The following B3GALNT2 variants were observed in gnomAD, a reference collection of about 807,000 sequenced individuals.
The protein encoded by B3GALNT2 is beta-1,3-N-acetylgalactosaminyltransferase 2, also known as UDP-GalNAc:beta-1,3-N-acetylgalactosaminyltransferase 2.
Under a neutral mutation model 61.1 loss-of-function variants are expected in B3GALNT2, and 53 were observed. The observed-to-expected ratio is 0.87, with a 90% CI of 0.70 to 1.09. The LOEUF (loss-of-function observed/expected upper bound fraction) is 1.09, where lower values mean the gene tolerates loss of function less well. Ranked by LOEUF, B3GALNT2 falls within the 50% of genes least tolerant of loss-of-function variation. B3GALNT2 has a pLI of 0.00. For synonymous variants in B3GALNT2, 223 were observed against 237.4 expected (o/e 0.94, Z 0.56); for missense variants, 544 against 623.0 (o/e 0.87, Z 1.35).
intron 3 of B3GALNT2, among the ~76,000 whole-genome samples, chr1:235,486,308 T>C (rs1278093914): frequency 6.6e-6 from 1 of 152,200 alleles, no homozygotes; most frequent in Non-Finnish European, 1.5e-5. Context: ...GAGTCTAGAC[T>C]ACAACATAAT....
At chr1:235,458,878 T>G in intron 7 of B3GALNT2, 92 bp from the exon 8 acceptor site, 1 of 1,182,494 alleles carries the variant, frequency 8.5e-7, no homozygotes, top group Non-Finnish European at 1.1e-6. Context: ...TTTCCCAAGG[T>G]AACCCAGCAG....
At chr1:235,446,796 C>G (rs1682359522), downstream of B3GALNT2, among the ~76,000 whole-genome samples, 1 of 151,138 alleles carries the variant, frequency 6.6e-6, no homozygotes, top group Non-Finnish European at 1.5e-5. Flanking sequence ...CTCCTGGGCT[C>G]AAGTGATCCT....
At chr1:235,450,587 C>G (rs976025999) in intron 11 of B3GALNT2, 20 of 458,510 alleles carry the variant, frequency 4.4e-5, no homozygotes, top group African/African-American at 3.9e-4. Flanking sequence ...AGTTAGTCAA[C>G]AAATGCCATT....
At chr1:235,484,739 T>C (rs1199305951) in intron 3 of B3GALNT2, 2 of 722,486 alleles carry the variant, frequency 2.8e-6, no homozygotes, top group African/African-American at 3.6e-5. Context: ...GTAAGTTAAT[T>C]ATCAGAACTG....
intron 2 of B3GALNT2, among the ~76,000 whole-genome samples, chr1:235,493,500 G>A (rs1230856770): frequency 3.9e-5 from 6 of 152,092 alleles, no homozygotes; most frequent in South Asian, 4.1e-4. Context: ...CAACTAGGCC[G>A]GGCTTGGTGG....
At chr1:235,440,937 TTTATG>T in the B3GALNT2 span, 2 of 152,158 alleles carry the variant, frequency 1.3e-5, no homozygotes, top group South Asian at 2.1e-4. Flanking sequence ...ACATTTCGCT[TTTATG>T]TTATTTCCTT....
At chr1:235,452,775 A>G (rs1298518948) in intron 11 of B3GALNT2, among the ~76,000 whole-genome samples, 2 of 151,962 alleles carry the variant, frequency 1.3e-5, no homozygotes, top group Non-Finnish European at 2.9e-5. Context: ...GCTGGTCTTG[A>G]ACTCCTGGGC....
chr1:235,492,280 G>C (rs1685103375), intron 2 of B3GALNT2, among the ~76,000 whole-genome samples: 1 of 152,108 alleles, frequency 6.6e-6, no homozygotes, highest in Non-Finnish European at 1.5e-5. Context: ...CTAAATTATT[G>C]CAAGTATGTA....
chr1:235,489,626 T>C (rs1415923995), intron 2 of B3GALNT2, among the ~76,000 whole-genome samples: 1 of 152,226 alleles, frequency 6.6e-6, no homozygotes, highest in Non-Finnish European at 1.5e-5. Flanking sequence ...TGCCTTCTTC[T>C]ATTTCAGAAA....
intron 1 of B3GALNT2, among the ~76,000 whole-genome samples, chr1:235,503,311 C>G (rs141692396): frequency 1.1e-3 from 161 of 152,316 alleles, no homozygotes; most frequent in African/African-American, 3.8e-3. Context: ...AAGAAGAAGA[C>G]AAGAGATACA....
rs767929260 is a variant in B3GALNT2, at chr1:235,448,804, T to C, written c.*1402A>G. On this transcript the variant is annotated 3_prime_UTR_variant, in exon 12 of 12. Transcript: ENST00000366600. ...TTTAAAGACCACACTGCTTATCGTG[T>C]CTGGGGTTCACCGGAAATAAATGAT... The C allele has an allele frequency of 7.3e-7, 1 of 1,377,532 alleles. No individual in the cohort carries two copies. The highest frequency in any genetic ancestry group is 2.3e-5 in the East Asian group (1 of 43,750). The allele number at this position is 1,377,532 out of a possible 1,614,324, so 85.3% of individuals were successfully genotyped here.
the B3GALNT2 span, among the ~76,000 whole-genome samples, chr1:235,439,947 G>A: frequency 6.6e-6 from 1 of 151,828 alleles, no homozygotes; most frequent in Non-Finnish European, 1.5e-5. Context: ...GACTACAGGC[G>A]CACACCACCA....
intron 8 of B3GALNT2, among the ~76,000 whole-genome samples, chr1:235,457,046 G>A (rs775807804): frequency 9.2e-5 from 14 of 152,130 alleles, no homozygotes; most frequent in African/African-American, 2.9e-4. Flanking sequence ...GGTGGCTCAC[G>A]CCTATAATCC....
At chr1:235,485,871 T>G (rs1684782771) in intron 3 of B3GALNT2, among the ~76,000 whole-genome samples, 2 of 152,184 alleles carry the variant, frequency 1.3e-5, no homozygotes, top group South Asian at 2.1e-4. Flanking sequence ...GATTGTATTT[T>G]CTTATTTTCA....
intron 9 of B3GALNT2, among the ~76,000 whole-genome samples, chr1:235,455,232 C>G (rs905592238): frequency 3.3e-5 from 5 of 152,134 alleles, no homozygotes; most frequent in Non-Finnish European, 7.4e-5. Flanking sequence ...AGCAGTCTCC[C>G]TGCCTCAGCC....
Position 235,470,906 on chromosome 1 carries a change from TTG to T in B3GALNT2, c.704_705del (p.Ser235Ter). The T allele has an allele frequency of 6.2e-7, 1 of 1,614,156 alleles. No homozygotes were observed. The highest frequency in any genetic ancestry group is 8.5e-7 in the Non-Finnish European group (1 of 1,180,020). ...TTCACTGTCACTTTGTGGAGATTTC[TTG>T]ACACAAGGCCGTGGAGGTCTTGGCT... The part of the protein sequence containing the change: ...WESQDLHGLV[S>X]RNLHKVTVND... On this transcript the variant is annotated frameshift_variant, in exon 6 of 12. Transcript: ENST00000366600. LOFTEE classifies it high-confidence loss of function.
At chr1:235,480,264 C>A in intron 4 of B3GALNT2, 115 bp from the exon 5 acceptor site, 1 of 1,441,870 alleles carries the variant, frequency 6.9e-7, no homozygotes. Flanking sequence ...GCCCTAACCA[C>A]GGTCACTAAC....
intron 11 of B3GALNT2, chr1:235,451,496 C>T (rs904780709): frequency 2.7e-5 from 4 of 146,312 alleles, no homozygotes; most frequent in South Asian, 2.1e-4. Context: ...AAAAAAAGAC[C>T]GCATCAGAAA....
In B3GALNT2 at chr1:235,470,885, C is replaced by T. The variant is rs755405777; in HGVS notation, c.727G>A (p.Val243Met). 5.6e-6 allele frequency: 9 copies of T among 1,613,972 alleles called. No homozygotes were observed. In the South Asian group the frequency reaches 6.6e-5, roughly 12 times the overall value. ...LVSRNLHKVT[V>M]NDGGGVLRVI... ...CTGAGAACTCCCCCTCCATCATTCA[C>T]TGTCACTTTGTGGAGATTTCTTGAC... is the stretch of plus-strand genomic sequence containing the variant. The change falls in exon 6 of 12, where the codon GTG (valine) becomes ATG (methionine). Residue 243 changes from valine (V) to methionine (M), a missense_variant. Coordinates refer to ENST00000366600, the MANE Select transcript of B3GALNT2 (RefSeq NM_152490.5).
Sources: allele counts gnomAD v4.1 joint callset (sites outside exome capture counted in the v4.1 genomes callset), GRCh38; gene constraint gnomAD v4.1.1; transcripts MANE v1.5; gene names NCBI Gene and HGNC (gene_info 2026-07-23, HGNC 2026-07-21).